SLC39A11: variants seen among roughly 807,000 people sequenced by gnomAD.
SLC39A11 encodes zinc transporter ZIP11.
A neutral mutation model predicts 36.1 loss-of-function variants in SLC39A11; 33 were observed. The observed-to-expected ratio is 0.91, with a 90% CI of 0.69 to 1.22. The LOEUF (loss-of-function observed/expected upper bound fraction) is 1.22, where lower values mean the gene tolerates loss of function less well. Ranked by LOEUF, SLC39A11 falls within the 50% of genes most tolerant of loss-of-function variation. SLC39A11 has a pLI of 0.00. For missense variants in SLC39A11, 432 were observed against 430.3 expected, an observed-to-expected ratio of 1.00 and a Z score of -0.03; for synonymous variants, 166 against 170.3, an observed-to-expected ratio of 0.97 and a Z score of 0.20.
intron 4 of SLC39A11, among the ~76,000 whole-genome samples, chr17:73,011,380 A>T (rs1177797275): frequency 6.6e-6 from 1 of 152,162 alleles, no homozygotes; most frequent in Admixed American, 6.5e-5. Context: ...GAAGCACTCT[A>T]TGAAAACAGA....
At chr17:73,063,621 A>C (rs1005490725) in intron 3 of SLC39A11, among the ~76,000 whole-genome samples, 2 of 152,156 alleles carry the variant, frequency 1.3e-5, no homozygotes, top group Non-Finnish European at 2.9e-5. Flanking sequence ...CTCAAAAAAA[A>C]AATTAAAATT....
At chr17:73,018,248 A>C (rs8075919) in intron 4 of SLC39A11, among the ~76,000 whole-genome samples, 8,663 of 152,172 alleles carry the variant, frequency 0.057, 558 homozygotes, top group African/African-American at 0.15. Flanking sequence ...AATATACAAT[A>C]AAAAATTACT....
At chr17:72,711,079 C>T (rs1200422746) in intron 7 of SLC39A11, among the ~76,000 whole-genome samples, 8 of 152,178 alleles carry the variant, frequency 5.3e-5, no homozygotes, top group African/African-American at 1.9e-4. Flanking sequence ...TCCTGCCTAC[C>T]TTTGCAGCCT....
At chr17:72,997,533 G>A (rs747816380) in intron 4 of SLC39A11, among the ~76,000 whole-genome samples, 18 of 152,206 alleles carry the variant, frequency 1.2e-4, no homozygotes, top group East Asian at 1.9e-4. Flanking sequence ...GATTACAGGC[G>A]TGAGCCACCA....
chr17:72,711,072 T>G (rs758724083), intron 7 of SLC39A11, among the ~76,000 whole-genome samples: 64 of 152,230 alleles, frequency 4.2e-4, no homozygotes, highest in Non-Finnish European at 7.5e-4. Context: ...ATGTGGGTCC[T>G]GCCTACCTTT....
chr17:72,904,422 G>A (rs557601003), intron 5 of SLC39A11, among the ~76,000 whole-genome samples: 16 of 152,268 alleles, frequency 1.1e-4, no homozygotes, highest in Non-Finnish European at 1.8e-4. Context: ...AAGGAAGAGC[G>A]GCCACAGACA....
intron 4 of SLC39A11, among the ~76,000 whole-genome samples, chr17:72,967,649 A>G (rs1218833060): frequency 6.6e-6 from 1 of 152,324 alleles, no homozygotes; most frequent in East Asian, 1.9e-4. Flanking sequence ...TGCTTTGCAA[A>G]AAACACAAAC....
At chr17:72,828,172 G>A (rs751183659) in intron 6 of SLC39A11, among the ~76,000 whole-genome samples, 3 of 152,228 alleles carry the variant, frequency 2.0e-5, no homozygotes, top group Admixed American at 6.5e-5. Flanking sequence ...TGAATATGCC[G>A]TGTGGCATGG....
At chr17:72,804,605 A>G (rs2077194001) in intron 6 of SLC39A11, among the ~76,000 whole-genome samples, 1 of 152,220 alleles carries the variant, frequency 6.6e-6, no homozygotes, top group South Asian at 2.1e-4. Context: ...GTGGTATAGT[A>G]AGCGGGGCCT....
At chr17:72,855,900 A>G (rs2079618867) in intron 5 of SLC39A11, among the ~76,000 whole-genome samples, 1 of 152,118 alleles carries the variant, frequency 6.6e-6, no homozygotes, top group Non-Finnish European at 1.5e-5. Flanking sequence ...CCGTCTCAAA[A>G]AAAAAAAAAG....
At chr17:72,715,093 CAGG>C (rs2073294128) in intron 7 of SLC39A11, among the ~76,000 whole-genome samples, 1 of 152,140 alleles carries the variant, frequency 6.6e-6, no homozygotes, top group African/African-American at 2.4e-5. Flanking sequence ...GGTCTGCACT[CAGG>C]AGGAGGTAAG....
chr17:72,736,012 A>G (rs1192953795), intron 7 of SLC39A11, among the ~76,000 whole-genome samples: 1 of 152,252 alleles, frequency 6.6e-6, no homozygotes, highest in Non-Finnish European at 1.5e-5. Flanking sequence ...CAGGTTCTAC[A>G]TGACAGCAGA....
chr17:72,844,335 C>T (rs568998476), intron 6 of SLC39A11, among the ~76,000 whole-genome samples: 1 of 152,270 alleles, frequency 6.6e-6, no homozygotes, highest in Non-Finnish European at 1.5e-5. Flanking sequence ...TAGTTAGACC[C>T]TTGGTGGCTT....
chr17:72,708,339 T>C (rs946243078), intron 7 of SLC39A11, among the ~76,000 whole-genome samples: 3 of 152,072 alleles, frequency 2.0e-5, no homozygotes, highest in African/African-American at 7.2e-5. Flanking sequence ...CACCACCAAG[T>C]AGGAAAAGGA....
chr17:73,035,090 CCTGT>C (rs1253171596), intron 3 of SLC39A11, among the ~76,000 whole-genome samples: 1 of 152,180 alleles, frequency 6.6e-6, no homozygotes, highest in South Asian at 2.1e-4. Context: ...AATAGGGTTG[CCTGT>C]CTAAAATGAA....
At chr17:73,066,558 T>C (rs1418967956) in intron 3 of SLC39A11, among the ~76,000 whole-genome samples, 1 of 152,206 alleles carries the variant, frequency 6.6e-6, no homozygotes, top group East Asian at 1.9e-4. Context: ...TTTACTCTAA[T>C]GGTGGGAGGA....
At chr17:72,893,977 G>C (rs577319862) in intron 5 of SLC39A11, among the ~76,000 whole-genome samples, 1 of 152,278 alleles carries the variant, frequency 6.6e-6, no homozygotes, top group Admixed American at 6.5e-5. Context: ...GCTGTATAGT[G>C]TCTGAACCTT....
intron 3 of SLC39A11, among the ~76,000 whole-genome samples, chr17:73,076,802 CTTTTTT>C (rs76799031): frequency 1.8e-3 from 255 of 139,446 alleles, no homozygotes; most frequent in African/African-American, 6.5e-3. Context: ...TTCTTTTTTT[CTTTTTT>C]TTTTTTTTTT....
chr17:72,867,551 T>C (rs1199596992), intron 5 of SLC39A11, among the ~76,000 whole-genome samples: 1 of 151,786 alleles, frequency 6.6e-6, no homozygotes, highest in African/African-American at 2.4e-5. Context: ...AGATACTGAA[T>C]TGAAAACTTC....
Sources: allele counts gnomAD v4.1 joint callset (sites outside exome capture counted in the v4.1 genomes callset), GRCh38; gene constraint gnomAD v4.1.1; transcripts MANE v1.5; gene names NCBI Gene and HGNC (gene_info 2026-07-23, HGNC 2026-07-21).